Variants in BTBD9 observed in about 807,000 individuals in gnomAD.
BTBD9 encodes BTB/POZ domain-containing protein 9.
In BTBD9, 49 loss-of-function variants were observed where a neutral mutation model predicts 64.3. That is an observed-to-expected ratio of 0.76 (90% CI 0.61 to 0.97). The LOEUF (loss-of-function observed/expected upper bound fraction) is 0.97. Among genes scored for constraint, BTBD9 ranks in the 50% least tolerant of loss-of-function variants. The probability of loss-of-function intolerance (pLI) is 0.00; values close to 1 mark genes in which losing one functional copy is unlikely to be tolerated. For synonymous variants in BTBD9, 260 were observed against 274.7 expected, an observed-to-expected ratio of 0.95 and a Z score of 0.53; for missense variants, 598 against 762.1, an observed-to-expected ratio of 0.78 and a Z score of 2.53.
At chr6:38,230,029 A>C (rs1008335453) in intron 9 of BTBD9, among the ~76,000 whole-genome samples, 1 of 152,182 alleles carries the variant, frequency 6.6e-6, no homozygotes. Flanking sequence ...CCATTCTACC[A>C]GCAATACATT....
At position 38,173,319 on chromosome 6, in the gene BTBD9, T is replaced by A. The variant is rs1328646905; in HGVS notation, c.*1666A>T. 1 of 152,080 alleles carries A rather than the reference T, an allele frequency of 6.6e-6. No homozygotes were observed. Among genetic ancestry groups the A allele is most frequent in the African/African-American group, 2.4e-5 (1 of 41,384 alleles). 9.4% of individuals were successfully genotyped at this position (152,080 alleles called of 1,614,324 possible). On this transcript the variant is annotated 3_prime_UTR_variant, in exon 11 of 11. Transcript: ENST00000481247. ...GCCTGGCATCCCAGGAGTGTTCCAC[T>A]CTCCCACACAACAGGGAAGTGGCAG...
intron 9 of BTBD9, among the ~76,000 whole-genome samples, chr6:38,238,779 A>G (rs1333745297): frequency 1.3e-5 from 2 of 152,086 alleles, no homozygotes; most frequent in African/African-American, 2.4e-5. Context: ...GGCCGAGACC[A>G]ATGTTTTATC....
intron 6 of BTBD9, among the ~76,000 whole-genome samples, chr6:38,465,745 ATATATATATATGTATG>A (rs1201831288): frequency 3.8e-4 from 17 of 44,172 alleles, no homozygotes; most frequent in African/African-American, 1.4e-3. Flanking sequence ...ATATATATAT[ATATATATATATGTATG>A]TATGTATGTA....
At chr6:38,196,941 C>CA (rs1762289526) in intron 9 of BTBD9, among the ~76,000 whole-genome samples, 3 of 152,148 alleles carry the variant, frequency 2.0e-5, no homozygotes, top group Non-Finnish European at 4.4e-5. Context: ...ATATTGTTGT[C>CA]AGAGTAGTAA....
At chr6:38,524,129 A>C (rs916628600) in intron 6 of BTBD9, among the ~76,000 whole-genome samples, 31 of 151,968 alleles carry the variant, frequency 2.0e-4, no homozygotes, top group African/African-American at 7.0e-4. Context: ...ATCACTATCA[A>C]TAAATATTAA....
chr6:38,470,312 T>C (rs1394218917), intron 6 of BTBD9, among the ~76,000 whole-genome samples: 1 of 152,236 alleles, frequency 6.6e-6, no homozygotes, highest in Non-Finnish European at 1.5e-5. Flanking sequence ...TTTATCATCC[T>C]GGCCAGTACA....
At chr6:38,452,402 T>A (rs983245415) in intron 6 of BTBD9, among the ~76,000 whole-genome samples, 1 of 152,050 alleles carries the variant, frequency 6.6e-6, no homozygotes, top group South Asian at 2.1e-4. Context: ...TTTTGAAACT[T>A]TGAAATTGCT....
chr6:38,295,518 A>G (rs933668536), intron 7 of BTBD9, among the ~76,000 whole-genome samples: 2 of 151,832 alleles, frequency 1.3e-5, no homozygotes, highest in Non-Finnish European at 2.9e-5. Context: ...TCATAAGGAT[A>G]TTTTCCTAAT....
chr6:38,207,239 C>A, intron 9 of BTBD9: 1 of 209,238 alleles, frequency 4.8e-6, no homozygotes, highest in Non-Finnish European at 1.0e-5. Flanking sequence ...AAGAGATCTC[C>A]AAGGTACAGA....
chr6:38,439,337 A>G (rs1243514971), intron 6 of BTBD9, among the ~76,000 whole-genome samples: 1 of 150,988 alleles, frequency 6.6e-6, no homozygotes, highest in Non-Finnish European at 1.5e-5. Flanking sequence ...CATGCTGGTC[A>G]GGCTGCTGTC....
intron 6 of BTBD9, among the ~76,000 whole-genome samples, chr6:38,570,968 T>C (rs1291790826): frequency 1.3e-5 from 2 of 152,272 alleles, no homozygotes; most frequent in Non-Finnish European, 2.9e-5. Flanking sequence ...AGTGACACCA[T>C]GTGGCTACAC....
At chr6:38,609,496 T>C (rs891224552) in intron 1 of BTBD9, among the ~76,000 whole-genome samples, 4 of 152,194 alleles carry the variant, frequency 2.6e-5, no homozygotes, top group South Asian at 2.1e-4. Flanking sequence ...TAAGCAAATA[T>C]GTGGCCTGCC....
At chr6:38,192,735 G>A in intron 9 of BTBD9, 138 bp from the exon 10 acceptor site, 2 of 710,106 alleles carry the variant, frequency 2.8e-6, no homozygotes, top group Non-Finnish European at 5.0e-6. Context: ...GCAGGCAGCT[G>A]GGCTGCACCT....
At chr6:38,355,988 T>C (rs1341729010) in intron 6 of BTBD9, among the ~76,000 whole-genome samples, 1 of 152,190 alleles carries the variant, frequency 6.6e-6, no homozygotes, top group South Asian at 2.1e-4. Context: ...TGGAAATAGA[T>C]TTCCTTCAGT....
At chr6:38,595,888 C>T in intron 2 of BTBD9, 3 of 985,350 alleles carry the variant, frequency 3.0e-6, no homozygotes, top group Non-Finnish European at 3.6e-6. Flanking sequence ...TCGGGGAGAC[C>T]TCAAGACTTA....
chr6:38,298,373 A>G (rs1762239547), intron 7 of BTBD9, among the ~76,000 whole-genome samples: 1 of 152,186 alleles, frequency 6.6e-6, no homozygotes, highest in Non-Finnish European at 1.5e-5. Context: ...TGCAATTAAA[A>G]ATAGTTTTGA....
At chr6:38,638,201 C>T (rs994585029) in intron 1 of BTBD9, among the ~76,000 whole-genome samples, 2 of 152,150 alleles carry the variant, frequency 1.3e-5, no homozygotes, top group Non-Finnish European at 2.9e-5. Context: ...TTTTCTACCA[C>T]ATTTATAGTC....
At chr6:38,365,909 C>T (rs1395338570) in intron 6 of BTBD9, among the ~76,000 whole-genome samples, 2 of 152,130 alleles carry the variant, frequency 1.3e-5, no homozygotes, top group Non-Finnish European at 2.9e-5. Context: ...AGAGACTGCT[C>T]ACAAAGTAGA....
intron 6 of BTBD9, among the ~76,000 whole-genome samples, chr6:38,358,230 T>C (rs1045060615): frequency 6.6e-6 from 1 of 151,854 alleles, no homozygotes; most frequent in Non-Finnish European, 1.5e-5. Context: ...GATGGGGTGA[T>C]TTAGATCCTC....
Sources: gnomAD v4.1 joint callset for allele counts (sites outside exome capture counted in the v4.1 genomes callset) on GRCh38, gnomAD v4.1.1 for gene constraint, MANE v1.5 for transcripts, NCBI Gene and HGNC (gene_info 2026-07-23, HGNC 2026-07-21) for gene names.